The following PDE1A variants were observed in gnomAD, a reference collection of about 807,000 sequenced individuals.
The protein encoded by PDE1A is dual specificity calcium/calmodulin-dependent 3',5'-cyclic nucleotide phosphodiesterase 1A.
PDE1A carries 35 observed loss-of-function variants against 61.7 expected under a neutral mutation model. That is an observed-to-expected ratio of 0.57 (90% CI 0.43 to 0.75). The LOEUF is 0.75. Ranked by LOEUF, PDE1A falls within the 30% of genes least tolerant of loss-of-function variation. PDE1A has a pLI of 0.00. For synonymous variants in PDE1A, 232 were observed against 213.2 expected, an observed-to-expected ratio of 1.09 and a Z score of -0.77; for missense variants, 597 against 630.6, an observed-to-expected ratio of 0.95 and a Z score of 0.57.
intron 2 of PDE1A, among the ~76,000 whole-genome samples, chr2:182,453,750 T>A (rs1024808633): frequency 2.0e-5 from 3 of 152,126 alleles, no homozygotes; most frequent in African/African-American, 7.2e-5. Flanking sequence ...ATAAATTAGG[T>A]ATTGATGGGA....
chr2:182,635,751 G>A, the PDE1A span, among the ~76,000 whole-genome samples: 1 of 150,958 alleles, frequency 6.6e-6, no homozygotes, highest in South Asian at 2.1e-4. Context: ...TCATATGGGA[G>A]GTGAGTTTTT....
chr2:182,493,002 G>A (rs1688488202), intron 2 of PDE1A, among the ~76,000 whole-genome samples: 1 of 151,518 alleles, frequency 6.6e-6, no homozygotes, highest in Admixed American at 6.6e-5. Context: ...AAAAGGGCAG[G>A]GACCAGCAGG....
chr2:182,462,667 G>T (rs968250471), intron 2 of PDE1A, among the ~76,000 whole-genome samples: 1 of 152,010 alleles, frequency 6.6e-6, no homozygotes, highest in African/African-American at 2.4e-5. Flanking sequence ...GAAAAAAAAG[G>T]GTGTAAGCAG....
At chr2:182,424,497 T>G (rs1335728748) in intron 1 of PDE1A, among the ~76,000 whole-genome samples, 1 of 152,044 alleles carries the variant, frequency 6.6e-6, no homozygotes, top group Non-Finnish European at 1.5e-5. Context: ...GAAAGATGTC[T>G]CAATGTGAGA....
At chr2:182,704,890 G>A in the PDE1A span, among the ~76,000 whole-genome samples, 1 of 152,200 alleles carries the variant, frequency 6.6e-6, no homozygotes, top group Non-Finnish European at 1.5e-5. Flanking sequence ...GAAAGAATTC[G>A]GGGGTCCCCA....
intron 1 of PDE1A, among the ~76,000 whole-genome samples, chr2:182,417,130 C>A (rs1055672125): frequency 6.6e-6 from 1 of 152,212 alleles, no homozygotes; most frequent in Non-Finnish European, 1.5e-5. Context: ...CAGCACTTGG[C>A]TGGCCAATGA....
At chr2:182,178,447 A>C (rs1432913892) in intron 13 of PDE1A, among the ~76,000 whole-genome samples, 1 of 152,152 alleles carries the variant, frequency 6.6e-6, no homozygotes, top group Non-Finnish European at 1.5e-5. Flanking sequence ...GTAAGGGAGA[A>C]AAGAGTTGGA....
chr2:182,318,347 C>G (rs930646932), intron 1 of PDE1A, among the ~76,000 whole-genome samples: 1 of 152,112 alleles, frequency 6.6e-6, no homozygotes, highest in African/African-American at 2.4e-5. Flanking sequence ...CCAGTTGTCC[C>G]CTACTGAAAA....
At chr2:182,670,003 G>A in the PDE1A span, among the ~76,000 whole-genome samples, 1 of 152,222 alleles carries the variant, frequency 6.6e-6, no homozygotes, top group African/African-American at 2.4e-5. Context: ...GGATGATGGT[G>A]TTAAGTAAAA....
the PDE1A span, among the ~76,000 whole-genome samples, chr2:182,681,169 T>G: frequency 2.0e-5 from 3 of 151,964 alleles, no homozygotes; most frequent in South Asian, 4.2e-4. Flanking sequence ...TTTTTTTTTT[T>G]TGTGCCTTTG....
the PDE1A span, among the ~76,000 whole-genome samples, chr2:182,665,050 A>T: frequency 6.6e-6 from 1 of 152,198 alleles, no homozygotes; most frequent in African/African-American, 2.4e-5. Context: ...TAATCAAATC[A>T]AACTTTGTTT....
At chr2:182,657,275 G>A in the PDE1A span, among the ~76,000 whole-genome samples, 4 of 152,024 alleles carry the variant, frequency 2.6e-5, no homozygotes, top group Admixed American at 1.3e-4. Context: ...TTTTTCAACC[G>A]CATTTAGAAT....
chr2:182,477,856 C>G (rs1178537859), intron 2 of PDE1A, among the ~76,000 whole-genome samples: 8 of 151,898 alleles, frequency 5.3e-5, no homozygotes, highest in African/African-American at 1.9e-4. Flanking sequence ...AGCTCACAAC[C>G]CAATCACAAA....
the PDE1A span, among the ~76,000 whole-genome samples, chr2:182,561,020 G>A: frequency 4.7e-5 from 7 of 148,260 alleles, no homozygotes; most frequent in African/African-American, 1.7e-4. Flanking sequence ...TGTTCACTCT[G>A]ATGGTAGTTT....
intron 2 of PDE1A, among the ~76,000 whole-genome samples, chr2:182,246,988 A>G (rs1691020788): frequency 6.6e-6 from 1 of 152,198 alleles, no homozygotes; most frequent in South Asian, 2.1e-4. Context: ...TCATGAGTGG[A>G]GTAAGGATGG....
At chr2:182,447,386 T>C (rs1437332517) in intron 2 of PDE1A, among the ~76,000 whole-genome samples, 2 of 152,080 alleles carry the variant, frequency 1.3e-5, no homozygotes, top group Admixed American at 6.6e-5. Flanking sequence ...TTCCCATTCT[T>C]GCCAAATTCT....
rs1216416384 is a variant in PDE1A, at chr2:182,264,867, G to GTATA, written c.54-457_54-454dup. On this transcript the variant is annotated intron_variant, in intron 1 of 13. Transcript: ENST00000351439. ...CCAATGAGTGGATAAAGAAAATGTGGTATATATATACATATATATATATAT... is the reference window on the plus strand; with the variant it reads ...CCAATGAGTGGATAAAGAAAATGTGGTATATATATATATACATATATATATATAT... Among the ~76,000 whole-genome samples, 5 of 34,148 alleles carry GTATA rather than the reference G, an allele frequency of 1.5e-4. No homozygotes were observed. The South Asian group carries it at 2.9e-3, about 20-fold the overall frequency. 22.4% of individuals were successfully genotyped at this position (34,148 alleles called of 152,430 possible). A position where few individuals can be genotyped will look rare whatever the true frequency, so the allele number is the denominator to read the frequency against.
the PDE1A span, among the ~76,000 whole-genome samples, chr2:182,688,499 G>C: frequency 6.6e-6 from 1 of 152,114 alleles, no homozygotes; most frequent in Non-Finnish European, 1.5e-5. Context: ...GTCACCACTA[G>C]GCCTACCCTA....
chr2:182,252,967 G>A (rs1000082963), intron 2 of PDE1A, among the ~76,000 whole-genome samples: 1 of 152,308 alleles, frequency 6.6e-6, no homozygotes, highest in Non-Finnish European at 1.5e-5. Context: ...GTAGAAAAAT[G>A]TAAGTCCCTC....
Sources: allele counts gnomAD v4.1 joint callset (sites outside exome capture counted in the v4.1 genomes callset), GRCh38; gene constraint gnomAD v4.1.1; transcripts MANE v1.5; gene names NCBI Gene and HGNC (gene_info 2026-07-23, HGNC 2026-07-21).